Variants in FAM168A observed in about 807,000 individuals in gnomAD.
The protein encoded by FAM168A is family with sequence similarity 168 member A, also known as protein FAM168A.
Under a neutral mutation model 28.5 loss-of-function variants are expected in FAM168A, and 3 were observed. The ratio of observed to expected loss-of-function variants is 0.11; its 90% CI spans 0.05 to 0.27. FAM168A has a LOEUF of 0.27. FAM168A is among the 10% of genes least tolerant of loss of function. The pLI, the probability that FAM168A is intolerant of heterozygous loss-of-function variation, is 1.00. For missense variants in FAM168A, 222 were observed against 311.5 expected (o/e 0.71, Z 2.16); for synonymous variants, 122 against 124.2 (o/e 0.98, Z 0.12).
chr11:73,481,993 AG>A (rs1338521205), intron 1 of FAM168A, among the ~76,000 whole-genome samples: 2 of 152,034 alleles, frequency 1.3e-5, no homozygotes, highest in African/African-American at 4.8e-5. Flanking sequence ...TCTCCTCTGG[AG>A]GACACAGCAT....
chr11:73,557,792 C>T lies in FAM168A; in HGVS notation c.-19+40131G>A, dbSNP rs529806944. ...CACTATAAAACTATGGTAATCGATA[C>T]AGCATGGTACTCGCATAAGGACAGG... On this transcript the variant is annotated intron_variant, in intron 1 of 7. Coordinates refer to ENST00000356467, the MANE Select transcript of FAM168A (RefSeq NM_015159.3). Among the ~76,000 whole-genome samples the T allele has an allele frequency of 5.9e-5, 9 of 152,266 alleles. No individual in the cohort carries two copies. The South Asian group carries it at 1.7e-3, about 28-fold the overall frequency.
intron 1 of FAM168A, among the ~76,000 whole-genome samples, chr11:73,591,559 G>C (rs1944381964): frequency 6.6e-6 from 1 of 152,148 alleles, no homozygotes; most frequent in South Asian, 2.1e-4. Context: ...GCCCAAGCTA[G>C]AGAGCAGAGG....
intron 1 of FAM168A, among the ~76,000 whole-genome samples, chr11:73,555,476 G>A (rs540459657): frequency 3.3e-5 from 5 of 152,050 alleles, no homozygotes; most frequent in South Asian, 4.2e-4. Flanking sequence ...AGGTCGAGGC[G>A]GGTGGATCTC....
chr11:73,565,755 C>A (rs995791749), intron 1 of FAM168A, among the ~76,000 whole-genome samples: 6 of 152,174 alleles, frequency 3.9e-5, no homozygotes, highest in African/African-American at 1.4e-4. Flanking sequence ...AATAAAAAAT[C>A]TTTCCAGGGA....
intron 4 of FAM168A, chr11:73,412,337 C>T (rs1047978909): frequency 3.9e-5 from 6 of 152,192 alleles, no homozygotes; most frequent in African/African-American, 1.2e-4. Flanking sequence ...TCACATCAAC[C>T]TGGAACCTGG....
At position 73,401,207 on chromosome 11, in the gene FAM168A, A is replaced by T. The variant is rs1174859566; in HGVS notation, c.*5556T>A. 3 of 152,176 alleles carry T rather than the reference A, an allele frequency of 2.0e-5. No homozygotes were observed. Among genetic ancestry groups the T allele is most frequent in the Non-Finnish European group, 4.4e-5 (3 of 68,028 alleles). The allele number at this position is 152,176 out of a possible 1,614,324, so 9.4% of individuals were successfully genotyped here. ...AAAATGAATTAAAAAATACAAAATC[A>T]TATACAACGCTCTCTTCACAGGGAT... On this transcript the variant is annotated 3_prime_UTR_variant, in exon 8 of 8. Coordinates refer to ENST00000356467, the MANE Select transcript of FAM168A (RefSeq NM_015159.3).
chr11:73,512,486 G>A (rs554509419), intron 1 of FAM168A, among the ~76,000 whole-genome samples: 1 of 152,080 alleles, frequency 6.6e-6, no homozygotes, highest in South Asian at 2.1e-4. Context: ...AGATAGATGT[G>A]ATATTTGCAC....
rs1238553711 is a variant in FAM168A, at chr11:73,533,354, G to A, written c.-19+64569C>T. Among the ~76,000 whole-genome samples the A allele has an allele frequency of 3.3e-5, 5 of 152,188 alleles. No homozygotes were observed. The South Asian group carries it at 1.0e-3, about 32-fold the overall frequency. On this transcript the variant is annotated intron_variant, in intron 1 of 7. Transcript: ENST00000356467. ...TCTGGAACACACAGAGAACTAGGAA[G>A]CAAGCAAAAAAGGTCTCTCTAAAGC... is the stretch of plus-strand genomic sequence containing the variant.
intron 3 of FAM168A, among the ~76,000 whole-genome samples, chr11:73,422,900 C>T (rs986668650): frequency 5.3e-5 from 8 of 152,198 alleles, no homozygotes; most frequent in African/African-American, 1.7e-4. Flanking sequence ...GGGGCCCTCA[C>T]GCCCTCTGAC....
chr11:73,430,705 G>T lies in FAM168A; in HGVS notation c.136C>A (p.Pro46Thr), dbSNP rs200294334. 1 of 1,613,740 alleles carries T rather than the reference G, an allele frequency of 6.2e-7. No homozygotes were observed. The highest frequency in any genetic ancestry group is 8.5e-7 in the Non-Finnish European group (1 of 1,179,804). Residue 46 changes from proline (P) to threonine (T), a missense_variant, in exon 3 of 8, where the codon CCC (proline) becomes ACC (threonine). Coordinates refer to ENST00000356467, the MANE Select transcript of FAM168A (RefSeq NM_015159.3). ...TCCTCCTTACCTGGAGCATAACTGG[G>T]ACTATTGGTGGGGTACAGGCTGGGA... ...YNPSLYPTNS[P>T]SYAPATLLMK...
chr11:73,516,954 T>C (rs1190486117), intron 1 of FAM168A, among the ~76,000 whole-genome samples: 1 of 152,198 alleles, frequency 6.6e-6, no homozygotes, highest in African/African-American at 2.4e-5. Context: ...GGGAAAGACA[T>C]ATATGAATCA....
At chr11:73,459,206 C>T (rs1217133548) in intron 2 of FAM168A, among the ~76,000 whole-genome samples, 3 of 152,068 alleles carry the variant, frequency 2.0e-5, no homozygotes, top group Non-Finnish European at 2.9e-5. Flanking sequence ...ACCTCAGCCT[C>T]CTGAGTAGCT....
intron 1 of FAM168A, among the ~76,000 whole-genome samples, chr11:73,480,679 G>T (rs1867955506): frequency 6.6e-6 from 1 of 151,882 alleles, no homozygotes; most frequent in African/African-American, 2.4e-5. Flanking sequence ...GAGTGCAAGA[G>T]TTAACAATGA....
intron 1 of FAM168A, among the ~76,000 whole-genome samples, chr11:73,549,749 T>C (rs895564375): frequency 6.6e-6 from 1 of 152,212 alleles, no homozygotes; most frequent in East Asian, 1.9e-4. Context: ...CAATGTCCCT[T>C]ACAGGCTAGC....
intron 1 of FAM168A, among the ~76,000 whole-genome samples, chr11:73,574,128 A>C (rs980732284): frequency 2.6e-5 from 4 of 152,194 alleles, no homozygotes; most frequent in African/African-American, 9.7e-5. Context: ...GTCTCAAAAA[A>C]AAAAGTAATT....
intron 2 of FAM168A, 139 bp from the exon 3 acceptor site, chr11:73,430,909 T>TCCAGATAG: frequency 1.6e-6 from 1 of 616,738 alleles, no homozygotes; most frequent in Non-Finnish European, 2.8e-6. Context: ...CATGGGCTAT[T>TCCAGATAG]CCAGATAGTA....
intron 2 of FAM168A, among the ~76,000 whole-genome samples, chr11:73,458,372 T>C (rs1296770725): frequency 6.6e-6 from 1 of 152,140 alleles, no homozygotes; most frequent in Non-Finnish European, 1.5e-5. Flanking sequence ...GAGTGGGTGC[T>C]TCGCATGTAA....
intron 1 of FAM168A, among the ~76,000 whole-genome samples, chr11:73,504,962 C>G (rs1296123772): frequency 3.3e-5 from 5 of 152,048 alleles, no homozygotes; most frequent in African/African-American, 1.2e-4. Flanking sequence ...ACTGAGAACA[C>G]ATGGACACAG....
At chr11:73,418,993 G>A (rs1466718416) in intron 4 of FAM168A, among the ~76,000 whole-genome samples, 2 of 151,984 alleles carry the variant, frequency 1.3e-5, no homozygotes, top group African/African-American at 4.8e-5. Flanking sequence ...TGTATTTTTA[G>A]TGGAGACAGG....
Sources: gnomAD v4.1 joint callset for allele counts (sites outside exome capture counted in the v4.1 genomes callset) on GRCh38, gnomAD v4.1.1 for gene constraint, MANE v1.5 for transcripts, NCBI Gene and HGNC (gene_info 2026-07-23, HGNC 2026-07-21) for gene names.